COL4A6: variants seen among roughly 807,000 people sequenced by gnomAD.
COL4A6 encodes collagen type IV alpha 6 chain, also known as collagen alpha-6(IV) chain.
A neutral mutation model predicts 126.7 loss-of-function variants in COL4A6; 59 were observed. That is an observed-to-expected ratio of 0.47 (90% confidence interval 0.38 to 0.58). The LOEUF (loss-of-function observed/expected upper bound fraction) is 0.58. Ranked by LOEUF, COL4A6 falls within the 20% of genes least tolerant of loss-of-function variation. The pLI is 0.00. For synonymous variants in COL4A6, 547 were observed against 496.6 expected (o/e 1.10, Z -1.35); for missense variants, 1,285 against 1,337.3 (o/e 0.96, Z 0.61).
At chrX:108,397,424 T>C (rs2040990375) in intron 2 of COL4A6, among the ~76,000 whole-genome samples, 1 of 111,299 alleles carries the variant, frequency 9.0e-6, no homozygotes, top group South Asian at 3.8e-4. Context: ...GCGTGCACTT[T>C]TGTTTATCTC....
chrX:108,356,087 A>G (rs2039953531), intron 2 of COL4A6, among the ~76,000 whole-genome samples: 1 of 99,978 alleles, frequency 1.0e-5, no homozygotes, highest in Admixed American at 1.1e-4. Context: ...TCCTAATGCT[A>G]TCCCTTCCCC....
At chrX:108,211,391 T>G (rs1408401942) in intron 7 of COL4A6, among the ~76,000 whole-genome samples, 2 of 112,960 alleles carry the variant, frequency 1.8e-5, no homozygotes, top group Non-Finnish European at 3.7e-5. Flanking sequence ...ATGTCTTGGT[T>G]TGTGAAAGAA....
intron 2 of COL4A6, among the ~76,000 whole-genome samples, chrX:108,325,723 C>T (rs1427235544): frequency 9.1e-6 from 1 of 109,318 alleles, no homozygotes; most frequent in Non-Finnish European, 1.9e-5. Context: ...ACATTATGAC[C>T]AAGTTCAGTT....
At chrX:108,188,109 G>T in intron 21 of COL4A6, 82 bp from the exon 22 acceptor site, 2 of 817,785 alleles carry the variant, frequency 2.4e-6, no homozygotes, top group Non-Finnish European at 3.5e-6. Flanking sequence ...ATGACTTAGA[G>T]CAGAACCTTG....
chrX:108,251,465 G>C (rs2147675137), intron 3 of COL4A6, among the ~76,000 whole-genome samples: 1 of 111,351 alleles, frequency 9.0e-6, no homozygotes, highest in Non-Finnish European at 1.9e-5. Context: ...GGCCTAAACT[G>C]TTTCCCCAGT....
intron 2 of COL4A6, among the ~76,000 whole-genome samples, chrX:108,389,636 T>C (rs1191558651): frequency 9.0e-6 from 1 of 111,231 alleles, no homozygotes; most frequent in Admixed American, 9.6e-5. Flanking sequence ...GCATGTGTGA[T>C]GGGTCTCCTG....
At chrX:108,351,438 C>G (rs866363815) in intron 2 of COL4A6, among the ~76,000 whole-genome samples, 1,772 of 81,360 alleles carry the variant, frequency 0.022, 30 homozygotes, top group East Asian at 0.11. Flanking sequence ...GTAACTCTCT[C>G]TCTCTGTGTG....
intron 2 of COL4A6, among the ~76,000 whole-genome samples, chrX:108,391,821 C>T (rs905838751): frequency 3.6e-5 from 4 of 112,432 alleles, no homozygotes; most frequent in African/African-American, 1.3e-4. Flanking sequence ...TGCTTTGGCT[C>T]GCCCTTCATG....
In COL4A6 at chrX:108,157,205, C is replaced by G; in HGVS notation, c.4868G>C (p.Cys1623Ser). 1 of 1,212,088 alleles carries G rather than the reference C, an allele frequency of 8.3e-7. No homozygotes were observed. Among genetic ancestry groups the G allele is most frequent in the Non-Finnish European group, 1.1e-6 (1 of 895,559 alleles). ...AGGAGTGGCCCGAAAGTCCTCTAGG[C>G]AGGAGCCAGGTGAGACCAGGGACTG... Reference protein sequence around the residue: ...GGQSLVSPGSCLEDFRATPFI... With the variant: ...GGQSLVSPGSSLEDFRATPFI... The change falls in exon 45 of 45, where the codon TGC (cysteine) becomes TCC (serine). Residue 1623 changes from cysteine to serine, a missense_variant. Coordinates refer to ENST00000334504, the MANE Select transcript of COL4A6 (RefSeq NM_033641.4).
rs369016527 is a variant in COL4A6 at position 108,174,423 on chromosome X, G to A, written c.3138+17C>T. On this transcript the variant is annotated intron_variant, in intron 31 of 44. Transcript: ENST00000334504. ...GGGCCTTTTCTGGTATAAAGACAAAGATCTGGTCACACTTACACTTTCTCC... is the reference window on the plus strand; with the variant it reads ...GGGCCTTTTCTGGTATAAAGACAAAAATCTGGTCACACTTACACTTTCTCC... 1.4e-4 allele frequency: 163 copies of A among 1,206,368 alleles called. No homozygotes were observed. The African/African-American group carries it at 2.7e-3, about 20-fold the overall frequency.
chrX:108,167,857 A>G (rs1254927301), intron 37 of COL4A6, among the ~76,000 whole-genome samples: 1 of 112,229 alleles, frequency 8.9e-6, no homozygotes, highest in Non-Finnish European at 1.9e-5. Flanking sequence ...CAACCACTCA[A>G]CTTAAGAAGA....
intron 3 of COL4A6, among the ~76,000 whole-genome samples, chrX:108,261,247 A>G (rs2037151887): frequency 8.9e-6 from 1 of 112,085 alleles, no homozygotes; most frequent in South Asian, 3.7e-4. Flanking sequence ...CTCAATAGCT[A>G]CATATGGCTA....
chrX:108,303,466 T>A (rs1164247508), intron 3 of COL4A6, among the ~76,000 whole-genome samples: 1 of 111,910 alleles, frequency 8.9e-6, no homozygotes, highest in African/African-American at 3.2e-5. Context: ...CTCTGTCATA[T>A]GACTTAGCAG....
intron 3 of COL4A6, among the ~76,000 whole-genome samples, chrX:108,249,902 T>C (rs2036810374): frequency 8.9e-6 from 1 of 111,862 alleles, no homozygotes; most frequent in African/African-American, 3.3e-5. Flanking sequence ...CAATCCATGA[T>C]TAAAATGTCT....
At chrX:108,358,709 A>G (rs959348180) in intron 2 of COL4A6, among the ~76,000 whole-genome samples, 1 of 112,158 alleles carries the variant, frequency 8.9e-6, no homozygotes, top group Non-Finnish European at 1.9e-5. Context: ...ATGACTTTTA[A>G]AAATTTTTCT....
At chrX:108,407,558 A>G (rs959673340) in intron 2 of COL4A6, among the ~76,000 whole-genome samples, 1 of 112,400 alleles carries the variant, frequency 8.9e-6, no homozygotes, top group African/African-American at 3.2e-5. Flanking sequence ...ACAGATAAAT[A>G]AAATAGCCCC....
At chrX:108,272,213 G>C (rs761953550) in intron 3 of COL4A6, among the ~76,000 whole-genome samples, 58 of 111,405 alleles carry the variant, frequency 5.2e-4, no homozygotes, top group African/African-American at 1.9e-3. Context: ...CTGGCCTCTA[G>C]GTTTTCTCTA....
chrX:108,156,743 T>C lies in COL4A6; in HGVS notation c.*257A>G, dbSNP rs1015864511. 19 of 400,074 alleles carry C rather than the reference T, an allele frequency of 4.7e-5. No homozygotes were observed. The highest frequency in any genetic ancestry group is 8.2e-5 in the Non-Finnish European group (19 of 231,429). The allele number at this position is 400,074 out of a possible 1,213,427, so 33.0% of individuals were successfully genotyped here. A position where few individuals can be genotyped will look rare whatever the true frequency, so the allele number is the denominator to read the frequency against. The stretch of plus-strand genomic sequence containing the variant: ...CAAATCTTTCTGAGGTAGCCATGAA[T>C]AGTCACACAATCATCCAAATCAAAC... On this transcript the variant is annotated 3_prime_UTR_variant, in exon 45 of 45. Transcript: ENST00000334504.
intron 2 of COL4A6, among the ~76,000 whole-genome samples, chrX:108,367,145 T>C (rs2040217131): frequency 8.9e-6 from 1 of 111,864 alleles, no homozygotes; most frequent in Admixed American, 9.5e-5. Context: ...TCAAATTGAG[T>C]TTGTGTTTAT....
Sources: gnomAD v4.1 joint callset for allele counts (sites outside exome capture counted in the v4.1 genomes callset) on GRCh38, gnomAD v4.1.1 for gene constraint, MANE v1.5 for transcripts, NCBI Gene and HGNC (gene_info 2026-07-23, HGNC 2026-07-21) for gene names.